MACROD2: variants seen among roughly 807,000 people sequenced by gnomAD.
MACROD2 encodes the protein mono-ADP ribosylhydrolase 2.
In MACROD2, 36 loss-of-function variants were observed where a neutral mutation model predicts 70.4. That is an observed-to-expected ratio of 0.51 (90% CI 0.39 to 0.68). The LOEUF is 0.68. Among genes scored for constraint, MACROD2 ranks in the 30% least tolerant of loss-of-function variants. The pLI is 0.00. For missense variants in MACROD2, 496 were observed against 538.4 expected (o/e 0.92, Z 0.78); for synonymous variants, 172 against 178.8 (o/e 0.96, Z 0.30).
chr20:15,561,822 C>G (rs1428297977), intron 8 of MACROD2, among the ~76,000 whole-genome samples: 2 of 152,058 alleles, frequency 1.3e-5, no homozygotes, highest in Non-Finnish European at 2.9e-5. Context: ...AAAATAAGAA[C>G]AGAGCACACT....
At chr20:14,515,465 G>GCGCGCACACACACACACA (rs1369248292) in intron 4 of MACROD2, among the ~76,000 whole-genome samples, 30 of 127,172 alleles carry the variant, frequency 2.4e-4, no homozygotes, top group African/African-American at 5.3e-4. Flanking sequence ...ACACACACAC[G>GCGCGCACACACACACACA]CACACACACA....
At chr20:15,562,530 G>A (rs1480488425) in intron 8 of MACROD2, among the ~76,000 whole-genome samples, 4 of 152,158 alleles carry the variant, frequency 2.6e-5, no homozygotes, top group Non-Finnish European at 5.9e-5. Flanking sequence ...ATGAATATTG[G>A]AAGGTAATGT....
intron 2 of MACROD2, among the ~76,000 whole-genome samples, chr20:14,055,374 G>A (rs1270320193): frequency 1.3e-5 from 2 of 151,894 alleles, no homozygotes; most frequent in African/African-American, 4.8e-5. Flanking sequence ...TTGTAAGCCT[G>A]TTACAGTCTT....
At chr20:16,009,574 T>A (rs2066834189) in intron 15 of MACROD2, among the ~76,000 whole-genome samples, 1 of 152,086 alleles carries the variant, frequency 6.6e-6, no homozygotes, top group Non-Finnish European at 1.5e-5. Flanking sequence ...ATGGCCAACA[T>A]GTTGAAACCC....
intron 3 of MACROD2, among the ~76,000 whole-genome samples, chr20:14,231,813 C>T (rs2081816005): frequency 1.3e-5 from 2 of 152,146 alleles, no homozygotes; most frequent in Admixed American, 1.3e-4. Context: ...TGTTTCCTGA[C>T]TTTTTAATGA....
rs1228642981 is a variant in MACROD2, at chr20:14,754,485, A to G, written c.418+69526A>G. ...CAATTAGTGGTTGCTGTCAATTACTAGTTGCTTATATTCACTTTCTCTCAT... is the reference window on the plus strand; with the variant it reads ...CAATTAGTGGTTGCTGTCAATTACTGGTTGCTTATATTCACTTTCTCTCAT... On this transcript the variant is annotated intron_variant, in intron 5 of 17. Transcript: ENST00000684519. 3.3e-5 allele frequency among the ~76,000 whole-genome samples: 5 copies of G among 152,116 alleles called. No individual in the cohort carries two copies. The East Asian group carries it at 9.6e-4, about 29-fold the overall frequency.
intron 5 of MACROD2, among the ~76,000 whole-genome samples, chr20:15,011,944 G>A (rs1459209488): frequency 6.6e-6 from 1 of 152,168 alleles, no homozygotes; most frequent in Non-Finnish European, 1.5e-5. Flanking sequence ...AACAGCATCA[G>A]GCAGATACAG....
chr20:14,173,103 G>A (rs1451414366), intron 3 of MACROD2, among the ~76,000 whole-genome samples: 2 of 152,132 alleles, frequency 1.3e-5, no homozygotes, highest in Non-Finnish European at 2.9e-5. Context: ...ATAACCTGAT[G>A]ACTGTGTTTC....
intron 3 of MACROD2, among the ~76,000 whole-genome samples, chr20:14,135,098 G>T (rs972800915): frequency 6.6e-6 from 1 of 152,010 alleles, no homozygotes; most frequent in African/African-American, 2.4e-5. Context: ...ATTTATGAAA[G>T]AACTTCATTC....
chr20:14,489,645 A>G (rs1422122009), intron 3 of MACROD2, among the ~76,000 whole-genome samples: 1 of 152,292 alleles, frequency 6.6e-6, no homozygotes, highest in Admixed American at 6.5e-5. Flanking sequence ...GGATTCTGTT[A>G]GGATGAAAAC....
chr20:15,410,304 T>C (rs941924424), intron 6 of MACROD2, among the ~76,000 whole-genome samples: 2 of 152,214 alleles, frequency 1.3e-5, no homozygotes, highest in Admixed American at 6.5e-5. Context: ...CAAAGAGAAA[T>C]ATACCATAGC....
chr20:15,283,935 C>T (rs1476292589), intron 6 of MACROD2, among the ~76,000 whole-genome samples: 1 of 152,108 alleles, frequency 6.6e-6, no homozygotes, highest in East Asian at 1.9e-4. Context: ...TGTACCCTAT[C>T]CCTTATTTTC....
At chr20:15,785,945 A>G (rs1471590652) in intron 8 of MACROD2, among the ~76,000 whole-genome samples, 1 of 152,232 alleles carries the variant, frequency 6.6e-6, no homozygotes, top group Non-Finnish European at 1.5e-5. Context: ...GAGACACAGG[A>G]ATATTTTATA....
intron 8 of MACROD2, among the ~76,000 whole-genome samples, chr20:15,632,107 C>G (rs1332886599): frequency 6.6e-6 from 1 of 151,528 alleles, no homozygotes; most frequent in Non-Finnish European, 1.5e-5. Flanking sequence ...CCATTGCACT[C>G]CAGCCTGGGC....
chr20:14,950,811 G>T (rs948872863), intron 5 of MACROD2, among the ~76,000 whole-genome samples: 1 of 152,138 alleles, frequency 6.6e-6, no homozygotes, highest in Non-Finnish European at 1.5e-5. Context: ...GAATGTTTTA[G>T]TGAAAAGACT....
rs547907075 is a variant in MACROD2, at chr20:15,495,551, C to T, written c.572-4223C>T. ...TCCCCATACTCTAAGGCTAAACACC[C>T]CTGTGCTCCCAGGAGTGAGCCTTTT... is the stretch of plus-strand genomic sequence containing the variant. On this transcript the variant is annotated intron_variant, in intron 7 of 17. Transcript: ENST00000684519. Among the ~76,000 whole-genome samples, 3 of 152,290 alleles carry T rather than the reference C, an allele frequency of 2.0e-5. No individual in the cohort carries two copies. The South Asian group carries it at 6.2e-4, about 32-fold the overall frequency.
intron 5 of MACROD2, among the ~76,000 whole-genome samples, chr20:15,097,568 C>G (rs557388002): frequency 6.6e-6 from 1 of 152,026 alleles, no homozygotes; most frequent in Non-Finnish European, 1.5e-5. Context: ...GAGTAATGTC[C>G]AAATAAAATG....
At chr20:14,720,203 G>C (rs555432254) in intron 5 of MACROD2, among the ~76,000 whole-genome samples, 1 of 152,208 alleles carries the variant, frequency 6.6e-6, no homozygotes, top group East Asian at 1.9e-4. Flanking sequence ...AACCACATAT[G>C]GTCTGTTAAC....
At chr20:15,863,762 A>G (rs906457273) in intron 9 of MACROD2, among the ~76,000 whole-genome samples, 6 of 152,192 alleles carry the variant, frequency 3.9e-5, no homozygotes, top group Non-Finnish European at 7.3e-5. Context: ...TATCAGAGCC[A>G]AACAATAAAG....
Sources: gnomAD v4.1 joint callset for allele counts (sites outside exome capture counted in the v4.1 genomes callset) on GRCh38, gnomAD v4.1.1 for gene constraint, MANE v1.5 for transcripts, NCBI Gene and HGNC (gene_info 2026-07-23, HGNC 2026-07-21) for gene names.